The following P3H2 variants were observed in gnomAD, a reference collection of about 807,000 sequenced individuals.
P3H2 encodes the protein prolyl 3-hydroxylase 2.
P3H2 carries 80 observed loss-of-function variants against 87.0 expected under a neutral mutation model. The ratio of observed to expected loss-of-function variants is 0.92; its 90% confidence interval spans 0.77 to 1.11. The LOEUF (loss-of-function observed/expected upper bound fraction) is 1.11, where lower values mean the gene tolerates loss of function less well. P3H2 is among the 50% of genes least tolerant of loss of function. P3H2 has a pLI of 0.00. For synonymous variants in P3H2, 367 were observed against 359.3 expected (o/e 1.02, Z -0.24); for missense variants, 1,001 against 923.9 (o/e 1.08, Z -1.08).
intron 14 of P3H2, among the ~76,000 whole-genome samples, chr3:189,960,271 A>T (rs1722773917): frequency 6.6e-6 from 1 of 152,008 alleles, no homozygotes; most frequent in Admixed American, 6.6e-5. Context: ...TTTTCCACAC[A>T]TCATTGGTCA....
intron 1 of P3H2, among the ~76,000 whole-genome samples, chr3:190,048,842 A>G (rs1725885847): frequency 6.6e-6 from 1 of 152,238 alleles, no homozygotes; most frequent in African/African-American, 2.4e-5. Flanking sequence ...TAACAGAGAC[A>G]GGAAAGGGAC....
intron 13 of P3H2, among the ~76,000 whole-genome samples, chr3:189,964,595 A>G (rs1057412510): frequency 6.6e-6 from 1 of 152,246 alleles, no homozygotes; most frequent in African/African-American, 2.4e-5. Context: ...TTGTACATTC[A>G]TGGTTTATGT....
In P3H2 at chr3:190,041,062, A is replaced by G. The variant is rs200158859; in HGVS notation, c.481-45620T>C. ...TACACACACACACACACACACACAC[A>G]CACACACACACACACACACTCTCTC... On this transcript the variant is annotated intron_variant, in intron 1 of 14. Transcript: ENST00000319332. 1.2e-3 allele frequency among the ~76,000 whole-genome samples: 55 copies of G among 46,114 alleles called. 7 individuals carry two copies. The highest frequency in any genetic ancestry group is 6.6e-3 in the African/African-American group (54 of 8,218). 30.3% of individuals were successfully genotyped at this position (46,114 alleles called of 152,430 possible).
chr3:190,052,412 G>A (rs1726011565), intron 1 of P3H2, among the ~76,000 whole-genome samples: 1 of 151,932 alleles, frequency 6.6e-6, no homozygotes, highest in African/African-American at 2.4e-5. Flanking sequence ...CCCTGCAAAG[G>A]ACATAGACAC....
chr3:190,041,099 A>C (rs1172441514), intron 1 of P3H2, among the ~76,000 whole-genome samples: 2 of 13,324 alleles, frequency 1.5e-4, no homozygotes, highest in African/African-American at 5.6e-4. Flanking sequence ...CTCTATATAT[A>C]TATATATACT....
chr3:190,041,033 TATATACACAC>T (rs1177843439), intron 1 of P3H2, among the ~76,000 whole-genome samples: 3 of 37,806 alleles, frequency 7.9e-5, no homozygotes, highest in African/African-American at 3.4e-4. Flanking sequence ...TATATATATA[TATATACACAC>T]ACACACACAC....
chr3:190,004,767 T>G (rs1179195707), intron 1 of P3H2, among the ~76,000 whole-genome samples: 1 of 152,174 alleles, frequency 6.6e-6, no homozygotes, highest in Non-Finnish European at 1.5e-5. Flanking sequence ...AAACAAATTT[T>G]GTTGTGATAA....
intron 3 of P3H2, among the ~76,000 whole-genome samples, chr3:189,989,532 C>T (rs1212379990): frequency 6.6e-6 from 1 of 152,120 alleles, no homozygotes; most frequent in Non-Finnish European, 1.5e-5. Flanking sequence ...AGCAAAAGTG[C>T]TCTTTTTCTT....
Position 190,098,215 on chromosome 3 carries a change from G to A in P3H2, c.480+22037C>T, listed in dbSNP as rs141872810. On this transcript the variant is annotated intron_variant, in intron 1 of 14. Transcript: ENST00000319332. ...ACTTTCCTTAGTCCTTATTGCATAC[G>A]TGTTCCATAATCAATATTAGTAGCC... 2.8e-3 allele frequency among the ~76,000 whole-genome samples: 426 copies of A among 152,116 alleles called. 1 individual carries two copies. Among genetic ancestry groups the A allele is most frequent in the African/African-American group, 8.9e-3 (368 of 41,466 alleles).
intron 1 of P3H2, among the ~76,000 whole-genome samples, chr3:190,091,955 A>G (rs1002224631): frequency 6.6e-6 from 1 of 152,200 alleles, no homozygotes; most frequent in African/African-American, 2.4e-5. Context: ...TTTTCCAGCC[A>G]TGCGCAGTGG....
intron 1 of P3H2, among the ~76,000 whole-genome samples, chr3:190,078,284 G>A (rs1160909181): frequency 6.6e-6 from 1 of 152,116 alleles, no homozygotes; most frequent in Non-Finnish European, 1.5e-5. Context: ...GCATTTGATA[G>A]TCACTTGATA....
At chr3:190,089,755 T>C (rs182663712) in intron 1 of P3H2, among the ~76,000 whole-genome samples, 5 of 152,284 alleles carry the variant, frequency 3.3e-5, no homozygotes, top group Non-Finnish European at 5.9e-5. Flanking sequence ...TCCAAACCCA[T>C]GGAGTCATAA....
intron 1 of P3H2, among the ~76,000 whole-genome samples, chr3:190,014,288 T>G (rs952328146): frequency 6.6e-6 from 1 of 152,234 alleles, no homozygotes; most frequent in East Asian, 1.9e-4. Context: ...CCTATTTTGA[T>G]GCAAATAATT....
intron 8 of P3H2, 37 bp downstream of exon 8, chr3:189,983,009 C>T (rs1414889352): frequency 1.3e-6 from 2 of 1,483,750 alleles, no homozygotes; most frequent in Non-Finnish European, 1.9e-6. Context: ...TCTTCCCCTT[C>T]CCCTCCTTTA....
intron 1 of P3H2, among the ~76,000 whole-genome samples, chr3:190,074,248 G>A (rs1287781990): frequency 6.6e-6 from 1 of 152,156 alleles, no homozygotes; most frequent in Non-Finnish European, 1.5e-5. Context: ...GGTGGCTCAT[G>A]CCTGTAATCC....
At chr3:189,988,145 C>T (rs2108919658) in intron 4 of P3H2, among the ~76,000 whole-genome samples, 1 of 152,242 alleles carries the variant, frequency 6.6e-6, no homozygotes, top group South Asian at 2.1e-4. Context: ...AATGCAAAGT[C>T]CTTCATAGAG....
At chr3:190,052,548 G>A (rs181036503) in intron 1 of P3H2, among the ~76,000 whole-genome samples, 1 of 107,782 alleles carries the variant, frequency 9.3e-6, no homozygotes, top group Non-Finnish European at 2.5e-5. Flanking sequence ...GCTTAGCACT[G>A]TTCTCCATGA....
intron 1 of P3H2, among the ~76,000 whole-genome samples, chr3:190,097,636 C>CACA (rs10699323): frequency 0.3 from 45,381 of 151,726 alleles, 8,799 homozygotes; most frequent in African/African-American, 0.56. Flanking sequence ...TTGGATTACC[C>CACA]ACAATAAAAT....
chr3:190,067,747 G>T (rs1431713695), intron 1 of P3H2, among the ~76,000 whole-genome samples: 1 of 152,028 alleles, frequency 6.6e-6, no homozygotes, highest in East Asian at 1.9e-4. Flanking sequence ...AGTATTTCTG[G>T]GGGGGAATAT....
Sources: gnomAD v4.1 joint callset for allele counts (sites outside exome capture counted in the v4.1 genomes callset) on GRCh38, gnomAD v4.1.1 for gene constraint, MANE v1.5 for transcripts, NCBI Gene and HGNC (gene_info 2026-07-23, HGNC 2026-07-21) for gene names.